The following RPS6KB2 variants were observed in gnomAD, a reference collection of about 807,000 sequenced individuals.
RPS6KB2 encodes the protein ribosomal protein S6 kinase B2, also known as ribosomal protein S6 kinase beta-2.
RPS6KB2 carries 51 observed loss-of-function variants against 58.2 expected under a neutral mutation model. The ratio of observed to expected loss-of-function variants is 0.88; its 90% CI spans 0.70 to 1.11. RPS6KB2 has a LOEUF of 1.11. Among genes scored for constraint, RPS6KB2 ranks in the 50% least tolerant of loss-of-function variants. The pLI, the probability that RPS6KB2 is intolerant of heterozygous loss-of-function variation, is 0.00. For missense variants in RPS6KB2, 671 were observed against 655.8 expected (o/e 1.02, Z -0.25); for synonymous variants, 293 against 258.6 (o/e 1.13, Z -1.28).
chr11:67,433,006 C>T lies in RPS6KB2; in HGVS notation c.671C>T (p.Ala224Val), dbSNP rs1335859278. ...TGCAAGGAGTCTATCCATGAGGGCGCCGTCACTCACACCTTCTGCGGCACC... is the reference window on the plus strand; with the variant it reads ...TGCAAGGAGTCTATCCATGAGGGCGTCGTCACTCACACCTTCTGCGGCACC... ...GLCKESIHEG[A>V]VTHTFCGTIE... The change falls in exon 8 of 15, where the codon GCC becomes GTC. Residue 224 changes from alanine (A) to valine (V), a missense_variant. Transcript: ENST00000312629. The T allele has an allele frequency of 1.2e-6, 2 of 1,613,418 alleles. No individual in the cohort carries two copies. The highest frequency in any genetic ancestry group is 2.2e-5 in the South Asian group (2 of 91,086).
intron 5 of RPS6KB2, chr11:67,432,274 G>T (rs958939986): frequency 6.8e-6 from 4 of 587,212 alleles, no homozygotes; most frequent in African/African-American, 1.8e-5. Context: ...TTCTCTGCGA[G>T]ATCTTTTGGG....
rs752314615 is a variant in RPS6KB2 at position 67,429,572 on chromosome 11, T to C, written c.286T>C (p.Tyr96His). 2.0e-5 allele frequency: 33 copies of C among 1,613,006 alleles called. No homozygotes were observed. Among genetic ancestry groups the C allele is most frequent in the Non-Finnish European group, 2.3e-5 (27 of 1,179,644 alleles). ...GCAAGGCACCAACTTGGGCAAAATA[T>C]ATGCCATGAAAGTCCTAAGGAAGGT... is the stretch of plus-strand genomic sequence containing the variant. ...KVQGTNLGKIYAMKVLRKAKI... is the reference protein window; with the variant it reads ...KVQGTNLGKIHAMKVLRKAKI... Residue 96 changes from tyrosine (Y) to histidine (H), a missense_variant, in exon 4 of 15, where the codon TAT (tyrosine) becomes CAT (histidine). Tyr to His is a moderately conservative substitution (Grantham distance 83, BLOSUM62 2). Transcript: ENST00000312629.
rs778528616 is a variant in RPS6KB2, at chr11:67,429,192, C to G, written c.192C>G (p.Pro64=). 15 of 1,613,644 alleles carry G rather than the reference C, an allele frequency of 9.3e-6. No individual in the cohort carries two copies. Among genetic ancestry groups the G allele is most frequent in the Non-Finnish European group, 1.3e-5 (15 of 1,180,034 alleles). Reference sequence around the variant, plus strand: ...ACGTTGGCCCAGAGCGCATCGGGCCCCACTGCTTTGAGCTGCTGCGTGTGC... The same window carrying G: ...ACGTTGGCCCAGAGCGCATCGGGCCGCACTGCTTTGAGCTGCTGCGTGTGC... ...SVNVGPERIG[P]HCFELLRVLG... is the part of the protein sequence containing the mutation. The change falls in exon 3 of 15, where the codon CCC becomes CCG. Residue 64 remains proline (P), a synonymous_variant. Transcript: ENST00000312629.
chr11:67,434,094 C>G (rs1565148306), intron 11 of RPS6KB2, 37 bp downstream of exon 11: 2 of 1,613,130 alleles, frequency 1.2e-6, no homozygotes, highest in African/African-American at 2.7e-5. Flanking sequence ...AGGGCTGAGT[C>G]TCCAAGGGTG....
intron 14 of RPS6KB2, 53 bp downstream of exon 14, chr11:67,434,747 A>AT: frequency 1.4e-6 from 2 of 1,403,958 alleles, no homozygotes; most frequent in Non-Finnish European, 2.0e-6. Context: ...GGCAGGCAGG[A>AT]TGCCAGCTCC....
intron 8 of RPS6KB2, 26 bp from the exon 9 acceptor site, chr11:67,433,100 G>A: frequency 6.2e-7 from 1 of 1,606,248 alleles, no homozygotes; most frequent in Non-Finnish European, 8.5e-7. Context: ...GGCACGGCCT[G>A]ACTGACAGTT....
rs1167888064 is a variant in RPS6KB2 at position 67,429,225 on chromosome 11, G to T, written c.225G>T (p.Lys75Asn). 1 of 1,613,306 alleles carries T rather than the reference G, an allele frequency of 6.2e-7. No homozygotes were observed. The highest frequency in any genetic ancestry group is 1.7e-5 in the Admixed American group (1 of 60,028). Residue 75 changes from lysine (K) to asparagine (N), a missense_variant, in exon 3 of 15, where the codon AAG becomes AAT. By Grantham distance (94) the Lys-to-Asn change is moderately conservative. Transcript: ENST00000312629. ...TTGAGCTGCTGCGTGTGCTGGGCAA[G>T]GGGGGCTATGGCAAGGTAGGGGCGG... is the stretch of plus-strand genomic sequence containing the variant. ...HCFELLRVLGKGGYGKVFQVR... is the reference protein window; with the variant it reads ...HCFELLRVLGNGGYGKVFQVR...
chr11:67,433,954 A>G (rs1864142301), intron 10 of RPS6KB2, 41 bp from the exon 11 acceptor site: 1 of 1,611,158 alleles, frequency 6.2e-7, no homozygotes, highest in Non-Finnish European at 8.5e-7. Context: ...ACACATGAGC[A>G]GTACTTGCCC....
chr11:67,432,516 T>G, intron 5 of RPS6KB2, 84 bp from the exon 6 acceptor site: 2 of 1,471,958 alleles, frequency 1.4e-6, no homozygotes, highest in South Asian at 2.3e-5. Flanking sequence ...TATGAGCCCC[T>G]CTTTCCCCAA....
intron 4 of RPS6KB2, chr11:67,430,697 G>A (rs1863992649): frequency 6.6e-6 from 1 of 152,222 alleles, no homozygotes; most frequent in Non-Finnish European, 1.5e-5. Flanking sequence ...ACCTCCCAAA[G>A]TGCTGGGATT....
intron 5 of RPS6KB2, 26 bp downstream of exon 5, chr11:67,431,541 T>G (rs1469909775): frequency 6.2e-7 from 1 of 1,602,176 alleles, no homozygotes; most frequent in Non-Finnish European, 8.5e-7. Context: ...CAGGCAGGGG[T>G]GCTGGGGGTC....
Position 67,428,987 on chromosome 11 carries a change from A to C in RPS6KB2, c.84A>C (p.Ala28=). Residue 28 remains alanine (A), a synonymous_variant, in exon 2 of 15, where the codon GCA becomes GCC. Coordinates refer to ENST00000312629, the MANE Select transcript of RPS6KB2 (RefSeq NM_003952.3). ...EGEPELSPAD[A]CPLAELRAAG... Reference sequence around the variant, plus strand: ...TACCCCTCGGTTTCTCACAGGACGCATGTCCCCTTGCCGAGTTGAGGGCAG... The same window carrying C: ...TACCCCTCGGTTTCTCACAGGACGCCTGTCCCCTTGCCGAGTTGAGGGCAG... The C allele has an allele frequency of 1.2e-6, 2 of 1,613,520 alleles. No homozygotes were observed. The highest frequency in any genetic ancestry group is 1.7e-6 in the Non-Finnish European group (2 of 1,179,868).
chr11:67,433,897 C>G (rs1220710745), intron 10 of RPS6KB2, 98 bp from the exon 11 acceptor site: 2 of 1,366,392 alleles, frequency 1.5e-6, no homozygotes, highest in Non-Finnish European at 2.1e-6. Context: ...AAAGCATTCT[C>G]TCCCATGTCA....
Position 67,429,571 on chromosome 11 carries a change from A to G in RPS6KB2, c.285A>G (p.Ile95Met), listed in dbSNP as rs764793251. 6 of 1,612,916 alleles carry G rather than the reference A, an allele frequency of 3.7e-6. No individual in the cohort carries two copies. Among genetic ancestry groups the G allele is most frequent in the Non-Finnish European group, 4.2e-6 (5 of 1,179,670 alleles). Residue 95 changes from isoleucine to methionine, a missense_variant, in exon 4 of 15, where the codon ATA (isoleucine) becomes ATG (methionine). By Grantham distance (10) the Ile-to-Met change is conservative (BLOSUM62 1). Coordinates refer to ENST00000312629, the MANE Select transcript of RPS6KB2 (RefSeq NM_003952.3). ...TGCAAGGCACCAACTTGGGCAAAAT[A>G]TATGCCATGAAAGTCCTAAGGAAGG... Reference protein sequence around the residue: ...RKVQGTNLGKIYAMKVLRKAK... With the variant: ...RKVQGTNLGKMYAMKVLRKAK...
At chr11:67,428,789 C>T (rs1863925580) in intron 1 of RPS6KB2, 166 bp downstream of exon 1, 2 of 903,430 alleles carry the variant, frequency 2.2e-6, no homozygotes, top group African/African-American at 1.6e-5. Context: ...CTCACCCCGA[C>T]CTCTCTTCCA....
chr11:67,434,489 G>T lies in RPS6KB2; in HGVS notation c.1155+5G>T. 1 of 1,610,060 alleles carries T rather than the reference G, an allele frequency of 6.2e-7. No homozygotes were observed. The highest frequency in any genetic ancestry group is 8.5e-7 in the Non-Finnish European group (1 of 1,178,426). On this transcript the variant is annotated splice_donor_5th_base_variant and intron_variant, in intron 13 of 14. Transcript: ENST00000312629. ...AGTGCCAACCAGGCCTTCCTGGTGA[G>T]TGCGGGGGCCTGAGGCCTGTGGGAC...
Position 67,429,117 on chromosome 11 carries a change from T to C in RPS6KB2, c.120-3T>C. 1 of 1,613,924 alleles carries C rather than the reference T, an allele frequency of 6.2e-7. No individual in the cohort carries two copies. The highest frequency in any genetic ancestry group is 1.1e-5 in the South Asian group (1 of 91,086). On this transcript the variant is annotated splice_region_variant and splice_polypyrimidine_tract_variant and intron_variant, in intron 2 of 14. Transcript: ENST00000312629. The stretch of plus-strand genomic sequence containing the variant: ...TGTCCTCATTAACTCCTTGTGTCCG[T>C]AGGCCTGTGGGACACTATGAAGAGG...
rs765083118 is a variant in RPS6KB2, at chr11:67,435,116, C to T, written c.1396C>T (p.Pro466Ser). 1.4e-5 allele frequency: 22 copies of T among 1,604,988 alleles called. No individual in the cohort carries two copies. Among genetic ancestry groups the T allele is most frequent in the Non-Finnish European group, 1.8e-5 (21 of 1,178,294 alleles). ...GACCACCGCCCCTCTCCCCATCCGTCCCCCCTCAGGGACCAAGAAGTCCAA... is the reference window on the plus strand; with the variant it reads ...GACCACCGCCCCTCTCCCCATCCGTTCCCCCTCAGGGACCAAGAAGTCCAA... ...PSTTAPLPIRPPSGTKKSKRG... is the reference protein window; with the variant it reads ...PSTTAPLPIRSPSGTKKSKRG... The change falls in exon 15 of 15, where the codon CCC becomes TCC. Residue 466 changes from proline to serine, a missense_variant. Physicochemically the swap from Pro to Ser is moderately conservative, Grantham distance 74 (BLOSUM62 -1). Transcript: ENST00000312629.
rs746856506 is a variant in RPS6KB2 at position 67,434,582 on chromosome 11, G to T, written c.1156G>T (p.Gly386Cys). Residue 386 changes from glycine (G) to cysteine (C), a missense_variant and splice_region_variant, in exon 14 of 15, where the codon GGC (glycine) becomes TGC (cysteine). Coordinates refer to ENST00000312629, the MANE Select transcript of RPS6KB2 (RefSeq NM_003952.3). ...GCATGGCCCTGCCTCCGCCCCCCAG[G>T]GCTTCACATACGTGGCGCCGTCTGT... is the stretch of plus-strand genomic sequence containing the variant. ...LSESANQAFL[G>C]FTYVAPSVLD... The T allele has an allele frequency of 6.2e-7, 1 of 1,604,332 alleles. No homozygotes were observed. The highest frequency in any genetic ancestry group is 1.7e-5 in the Admixed American group (1 of 59,006).
Sources: allele counts gnomAD v4.1 joint callset, GRCh38; gene constraint gnomAD v4.1.1; transcripts MANE v1.5; gene names NCBI Gene and HGNC (gene_info 2026-07-23, HGNC 2026-07-21).